PDGFC: variants seen among roughly 807,000 people sequenced by gnomAD.
PDGFC encodes the protein platelet-derived growth factor C.
In PDGFC, 12 loss-of-function variants were observed where a neutral mutation model predicts 35.5. That is an observed-to-expected ratio of 0.34 (90% CI 0.22 to 0.55). The LOEUF (loss-of-function observed/expected upper bound fraction) is 0.55. PDGFC is among the 20% of genes least tolerant of loss of function. PDGFC has a pLI of 0.91. For synonymous variants in PDGFC, 159 were observed against 148.8 expected (o/e 1.07, Z -0.50); for missense variants, 322 against 412.4 (o/e 0.78, Z 1.90).
chr4:156,890,610 A>G (rs1430575059), intron 1 of PDGFC, among the ~76,000 whole-genome samples: 2 of 151,912 alleles, frequency 1.3e-5, no homozygotes, highest in Non-Finnish European at 2.9e-5. Context: ...GGGTTCATGC[A>G]CCCTCTTTGG....
Position 156,811,114 on chromosome 4 carries a change from C to T in PDGFC, c.315-97G>A, listed in dbSNP as rs1475777674. On this transcript the variant is annotated intron_variant, in intron 2 of 5. Transcript: ENST00000502773. ...GTGGGTGCTATGACTCTACGGACCA[C>T]AGCAGTGAGTTAATCCAAAATTTAA... 6.0e-6 allele frequency: 4 copies of T among 662,600 alleles called. 1 individual carries two copies. Among genetic ancestry groups the T allele is most frequent in the South Asian group, 6.7e-5 (2 of 29,724 alleles). 41.0% of individuals were successfully genotyped at this position (662,600 alleles called of 1,614,324 possible). A position where few individuals can be genotyped will look rare whatever the true frequency, so the allele number is the denominator to read the frequency against.
intron 1 of PDGFC, among the ~76,000 whole-genome samples, chr4:156,853,550 T>C (rs1729503201): frequency 6.6e-6 from 1 of 152,150 alleles, no homozygotes; most frequent in South Asian, 2.1e-4. Flanking sequence ...TGTAATAATA[T>C]ATATAAAATA....
rs151061010 is a variant in PDGFC, at chr4:156,827,798, T to A, written c.315-16781A>T. On this transcript the variant is annotated intron_variant, in intron 2 of 5. Transcript: ENST00000502773. ...TTATTTTCCAAGGTCAATACAGCAC[T>A]GTTATCACCAAAGACAATAATTTTC... 3.3e-3 allele frequency among the ~76,000 whole-genome samples: 492 copies of A among 150,928 alleles called. 3 individuals carry two copies. The highest frequency in any genetic ancestry group is 4.5e-3 in the Non-Finnish European group (308 of 68,032).
intron 3 of PDGFC, among the ~76,000 whole-genome samples, chr4:156,787,349 T>C (rs977469041): frequency 6.6e-6 from 1 of 152,104 alleles, no homozygotes; most frequent in African/African-American, 2.4e-5. Flanking sequence ...ATGATAGGTC[T>C]GATAAGAGGA....
intron 1 of PDGFC, among the ~76,000 whole-genome samples, chr4:156,862,295 T>C (rs1209546544): frequency 1.3e-5 from 2 of 152,160 alleles, no homozygotes; most frequent in African/African-American, 4.8e-5. Flanking sequence ...GGAAGAACAT[T>C]AACATCTGTG....
chr4:156,789,936 C>G (rs771386242), intron 3 of PDGFC, among the ~76,000 whole-genome samples: 5 of 139,228 alleles, frequency 3.6e-5, no homozygotes, highest in African/African-American at 8.3e-5. Context: ...GAGATCATGC[C>G]ACGGTACTCC....
intron 3 of PDGFC, among the ~76,000 whole-genome samples, chr4:156,801,541 A>G (rs1054911727): frequency 6.6e-6 from 1 of 152,202 alleles, no homozygotes; most frequent in Non-Finnish European, 1.5e-5. Flanking sequence ...GGGTTATTTT[A>G]TCTGGCATGG....
chr4:156,781,258 AT>A (rs1259235680), intron 3 of PDGFC, among the ~76,000 whole-genome samples: 4 of 152,054 alleles, frequency 2.6e-5, no homozygotes, highest in Non-Finnish European at 4.4e-5. Context: ...GAATCTGACC[AT>A]TTTCCCTACT....
At chr4:156,881,514 G>A (rs1730241179) in intron 1 of PDGFC, among the ~76,000 whole-genome samples, 1 of 152,094 alleles carries the variant, frequency 6.6e-6, no homozygotes, top group Non-Finnish European at 1.5e-5. Flanking sequence ...CATGGAGGCA[G>A]GTCTTTCCTG....
At chr4:156,802,896 C>A (rs976181769) in intron 3 of PDGFC, among the ~76,000 whole-genome samples, 1 of 152,116 alleles carries the variant, frequency 6.6e-6, no homozygotes, top group Non-Finnish European at 1.5e-5. Context: ...TTAAGTTATG[C>A]AAGGCTGCAA....
In PDGFC at chr4:156,939,421, C is replaced by A. The variant is rs181517645; in HGVS notation, c.118+31365G>T. Among the ~76,000 whole-genome samples the A allele has an allele frequency of 1.8e-4, 28 of 152,118 alleles. No individual in the cohort carries two copies. The East Asian group carries it at 4.3e-3, about 23-fold the overall frequency. On this transcript the variant is annotated intron_variant, in intron 1 of 5. Coordinates refer to ENST00000502773, the MANE Select transcript of PDGFC (RefSeq NM_016205.3). ...ACATGAAATAAAATCCTATAGTCAG[C>A]AAGGCCTTATTCTCAGTTACTGGAT...
At chr4:156,967,025 T>C (rs552579277) in intron 1 of PDGFC, among the ~76,000 whole-genome samples, 1,952 of 142,414 alleles carry the variant, frequency 0.014, 41 homozygotes, top group African/African-American at 0.045. Context: ...GGAAGTTTTT[T>C]CTTTTTTTTT....
intron 1 of PDGFC, among the ~76,000 whole-genome samples, chr4:156,945,311 T>TTA (rs1296179161): frequency 7.6e-6 from 1 of 132,164 alleles, no homozygotes; most frequent in Non-Finnish European, 1.6e-5. Context: ...ATATTTTAAA[T>TTA]TATATATATG....
chr4:156,956,143 T>A (rs745955744), intron 1 of PDGFC, among the ~76,000 whole-genome samples: 7 of 152,046 alleles, frequency 4.6e-5, no homozygotes, highest in Non-Finnish European at 8.8e-5. Context: ...CACTTTTGTG[T>A]ATTGGATTAA....
intron 1 of PDGFC, among the ~76,000 whole-genome samples, chr4:156,860,399 G>C (rs1483069966): frequency 6.6e-6 from 1 of 152,104 alleles, no homozygotes; most frequent in Non-Finnish European, 1.5e-5. Flanking sequence ...GAACAGACAT[G>C]TTGGAATACC....
At chr4:156,820,387 A>G (rs1327259020) in intron 2 of PDGFC, among the ~76,000 whole-genome samples, 1 of 152,248 alleles carries the variant, frequency 6.6e-6, no homozygotes, top group Non-Finnish European at 1.5e-5. Context: ...ATAAACTGCC[A>G]CAGCCACTCA....
rs551901858 is a variant in PDGFC, at chr4:156,966,901, A to T, written c.118+3885T>A. ...TTAAAATTGATATGGAAGAAAAATT[A>T]CCACATAATAGAGCTTTTTAATCAC... On this transcript the variant is annotated intron_variant, in intron 1 of 5. Transcript: ENST00000502773. Among the ~76,000 whole-genome samples, 6 of 152,338 alleles carry T rather than the reference A, an allele frequency of 3.9e-5. No individual in the cohort carries two copies. In the South Asian group the frequency reaches 1.2e-3, roughly 32 times the overall value.
chr4:156,850,153 A>G, intron 2 of PDGFC, 68 bp downstream of exon 2: 1 of 804,738 alleles, frequency 1.2e-6, no homozygotes, highest in Non-Finnish European at 1.9e-6. Context: ...TCAGATCATC[A>G]AAATTAAGCA....
intron 1 of PDGFC, among the ~76,000 whole-genome samples, chr4:156,900,308 T>G (rs1189743158): frequency 1.3e-5 from 2 of 152,202 alleles, no homozygotes; most frequent in Non-Finnish European, 2.9e-5. Flanking sequence ...AGCAATGCCA[T>G]GCATTTAATG....
Sources: gnomAD v4.1 joint callset for allele counts (sites outside exome capture counted in the v4.1 genomes callset) on GRCh38, gnomAD v4.1.1 for gene constraint, MANE v1.5 for transcripts, NCBI Gene and HGNC (gene_info 2026-07-23, HGNC 2026-07-21) for gene names.